The following SSX3 variants were observed in gnomAD, a reference collection of about 807,000 sequenced individuals.
SSX3 encodes protein SSX3.
Under a neutral mutation model 14.8 loss-of-function variants are expected in SSX3, and 6 were observed. The observed-to-expected ratio is 0.41, with a 90% CI of 0.22 to 0.80. The LOEUF (loss-of-function observed/expected upper bound fraction) is 0.80. SSX3 is among the 30% of genes least tolerant of loss of function. The pLI is 0.34. For synonymous variants in SSX3, 55 were observed against 52.9 expected (o/e 1.04, Z -0.18); for missense variants, 163 against 152.2 (o/e 1.07, Z -0.37).
Position 48,356,687 on chromosome X carries a change from T to C in SSX3, c.-74A>G, listed in dbSNP as rs782402089. The C allele has an allele frequency of 4.5e-5, 5 of 111,414 alleles. No homozygotes were observed. The highest frequency in any genetic ancestry group is 6.5e-5 in the African/African-American group (2 of 30,539). The allele number at this position is 111,414 out of a possible 1,213,427, so 9.2% of individuals were successfully genotyped here. ...ATCAGACCGTGCGTACTCTTGAGTA[T>C]GGAAGAATCGAAAGAGAGAGAAAAT... On this transcript the variant is annotated 5_prime_UTR_variant, in exon 1 of 8. Transcript: ENST00000298396.
intron 4 of SSX3, among the ~76,000 whole-genome samples, chrX:48,352,911 T>A (rs2061269328): frequency 8.9e-6 from 1 of 111,994 alleles, no homozygotes; most frequent in South Asian, 3.7e-4. Context: ...CGATAAGGGA[T>A]CACTCTTTCA....
chrX:48,355,268 A>T lies in SSX3; in HGVS notation c.-19T>A, dbSNP rs375432455. ...CGTTCATGGCACAGGGAGTAGTCTG[A>T]CCTGCAAGAGAAACAGATTGAGACT... On this transcript the variant is annotated splice_region_variant and 5_prime_UTR_variant, in exon 2 of 8. Coordinates refer to ENST00000298396, the MANE Select transcript of SSX3 (RefSeq NM_021014.4). 60 of 1,206,136 alleles carry T rather than the reference A, an allele frequency of 5.0e-5. 1 individual carries two copies. In the East Asian group the frequency reaches 1.5e-3, roughly 30 times the overall value.
At chrX:48,356,157 A>AG (rs1556951044) in intron 1 of SSX3, among the ~76,000 whole-genome samples, 2 of 112,123 alleles carry the variant, frequency 1.8e-5, no homozygotes, top group East Asian at 5.6e-4. Context: ...ACTAAAAAAA[A>AG]CAAACAAACA....
chrX:48,348,915 A>C (rs2061249776), intron 6 of SSX3, among the ~76,000 whole-genome samples: 1 of 111,965 alleles, frequency 8.9e-6, no homozygotes, highest in South Asian at 3.7e-4. Context: ...AAACCTGTGA[A>C]GCTAGCAGAG....
chrX:48,348,522 A>G (rs1556948983), intron 6 of SSX3: 1 of 479,516 alleles, frequency 2.1e-6, no homozygotes, highest in East Asian at 3.9e-5. Context: ...AATGAAAGGA[A>G]GAGTCGCATG....
At position 48,347,532 on chromosome X, in the gene SSX3, A is replaced by T; in HGVS notation, c.539T>A (p.Ile180Asn). 1 of 1,210,146 alleles carries T rather than the reference A, an allele frequency of 8.3e-7. No homozygotes were observed. The highest frequency in any genetic ancestry group is 1.1e-6 in the Non-Finnish European group (1 of 895,325). ...ERKQLVIYEE[I>N]SDPEEDDE The stretch of plus-strand genomic sequence containing the variant: ...CTCATCATCTTCCTCAGGATCGCTG[A>T]TCTCTTCATAAATCACCAGCTGCTT... Residue 180 changes from isoleucine (I) to asparagine (N), a missense_variant, in exon 7 of 8, where the codon ATC (isoleucine) becomes AAC (asparagine). Physicochemically the swap from Ile to Asn is moderately radical, Grantham distance 149. Transcript: ENST00000298396.
chrX:48,348,142 G>C, intron 6 of SSX3: 1 of 364,693 alleles, frequency 2.7e-6, no homozygotes, highest in Non-Finnish European at 4.8e-6. Context: ...ATATTCTTAT[G>C]GGGTACATGA....
In SSX3 at chrX:48,351,993, GAGA is replaced by G. The variant is rs782818009; in HGVS notation, c.330+104_330+106del. The stretch of plus-strand genomic sequence containing the variant: ...CATCAGGTGTTGTGATAGACATGGG[GAGA>G]AGAAGGCAGTGAGGGCATTGTTGAT... On this transcript the variant is annotated intron_variant, in intron 5 of 7. Coordinates refer to ENST00000298396, the MANE Select transcript of SSX3 (RefSeq NM_021014.4). 58 of 998,049 alleles carry G rather than the reference GAGA, an allele frequency of 5.8e-5. No individual in the cohort carries two copies. The African/African-American group carries it at 9.4e-4, about 16-fold the overall frequency. 82.3% of individuals were successfully genotyped at this position (998,049 alleles called of 1,213,427 possible).
chrX:48,352,895 T>C (rs781870107), intron 4 of SSX3, among the ~76,000 whole-genome samples: 19 of 112,271 alleles, frequency 1.7e-4, no homozygotes, highest in African/African-American at 6.1e-4. Flanking sequence ...AAGCTCTCTG[T>C]GTTTTCGATA....
intron 3 of SSX3, among the ~76,000 whole-genome samples, 175 bp downstream of exon 3, chrX:48,354,457 C>T (rs782392620): frequency 1.8e-5 from 2 of 109,399 alleles, no homozygotes; most frequent in South Asian, 8.3e-4. Flanking sequence ...TGGCCAGTCA[C>T]TGCCCTCAGC....
chrX:48,352,124 G>A lies in SSX3; in HGVS notation c.306C>T (p.Gly102=), dbSNP rs782105552. The A allele has an allele frequency of 8.3e-7, 1 of 1,210,042 alleles. No homozygotes were observed. The highest frequency in any genetic ancestry group is 1.1e-6 in the Non-Finnish European group (1 of 894,064). ...NQVQRPQMTF[G]RLQGIFPKIM... is the part of the protein sequence containing the mutation. The stretch of plus-strand genomic sequence containing the variant: ...CCTTCGGGAAGATTCCCTGGAGCCT[G>A]CCGAAAGTCATCTGAGGACGTTGAA... Residue 102 remains glycine, a synonymous_variant, in exon 5 of 8, where the codon GGC becomes GGT. Transcript: ENST00000298396.
intron 4 of SSX3, 28 bp from the exon 5 acceptor site, chrX:48,352,177 A>T: frequency 1.7e-6 from 2 of 1,200,113 alleles, no homozygotes; most frequent in East Asian, 3.0e-5. Flanking sequence ...AGAATTTTTC[A>T]TTGTTGGTAA....
At position 48,348,269 on chromosome X, in the gene SSX3, T is replaced by A. The variant is rs1378886753; in HGVS notation, c.467-665A>T. ...TCCATTTATGCTCTTTTAGTTTTTTTAAGTACAATTAAGTTATTATTGACT... is the reference window on the plus strand; with the variant it reads ...TCCATTTATGCTCTTTTAGTTTTTTAAAGTACAATTAAGTTATTATTGACT... On this transcript the variant is annotated intron_variant, in intron 6 of 7. Transcript: ENST00000298396. The A allele has an allele frequency of 6.4e-6, 3 of 470,448 alleles. No individual in the cohort carries two copies. In the African/African-American group the frequency reaches 7.3e-5, roughly 11 times the overall value. 38.8% of individuals were successfully genotyped at this position (470,448 alleles called of 1,213,427 possible).
At position 48,353,170 on chromosome X, in the gene SSX3, C is replaced by A. The variant is rs148250356; in HGVS notation, c.280+829G>T. Among the ~76,000 whole-genome samples the A allele has an allele frequency of 6.2e-3, 667 of 106,924 alleles. 7 individuals are homozygous for A. Among genetic ancestry groups the A allele is most frequent in the African/African-American group, 0.022 (629 of 29,121 alleles). The allele number at this position is 106,924 out of a possible 115,157, so 92.9% of individuals were successfully genotyped here. A position where few individuals can be genotyped will look rare whatever the true frequency, so the allele number is the denominator to read the frequency against. ...CACTTGTAACATTTTCTTAACTGTC[C>A]TTTGATACATTAACAGTGCTTAGGA... is the stretch of plus-strand genomic sequence containing the variant. On this transcript the variant is annotated intron_variant, in intron 4 of 7. Coordinates refer to ENST00000298396, the MANE Select transcript of SSX3 (RefSeq NM_021014.4).
At chrX:48,351,095 T>A (rs1335027642) in intron 5 of SSX3, among the ~76,000 whole-genome samples, 5 of 111,548 alleles carry the variant, frequency 4.5e-5, no homozygotes, top group Non-Finnish European at 9.4e-5. Context: ...TTCAGCTTCC[T>A]CCCTTATGAA....
At chrX:48,347,888 C>T (rs1601979509) in intron 6 of SSX3, among the ~76,000 whole-genome samples, 3 of 112,290 alleles carry the variant, frequency 2.7e-5, no homozygotes, top group Non-Finnish European at 3.8e-5. Flanking sequence ...TCATACAGCA[C>T]GTATTTGTTA....
intron 1 of SSX3, among the ~76,000 whole-genome samples, chrX:48,356,313 A>G (rs1397960823): frequency 2.7e-5 from 3 of 110,521 alleles, no homozygotes; most frequent in African/African-American, 9.9e-5. Context: ...CACTGGCGTG[A>G]TCATGGCTCA....
intron 6 of SSX3, chrX:48,349,321 C>A: frequency 2.5e-6 from 1 of 394,064 alleles, no homozygotes; most frequent in Non-Finnish European, 4.3e-6. Flanking sequence ...CCTTGACCAG[C>A]CAGCAGCCAT....
intron 1 of SSX3, among the ~76,000 whole-genome samples, chrX:48,355,473 G>T (rs782712275): frequency 1.6e-4 from 18 of 111,122 alleles, no homozygotes; most frequent in Non-Finnish European, 2.8e-4. Flanking sequence ...TATTGATAGG[G>T]GATGACAGGT....
Sources: gnomAD v4.1 joint callset for allele counts (sites outside exome capture counted in the v4.1 genomes callset) on GRCh38, gnomAD v4.1.1 for gene constraint, MANE v1.5 for transcripts, NCBI Gene and HGNC (gene_info 2026-07-23, HGNC 2026-07-21) for gene names.